The following RPTOR variants were observed in gnomAD, a reference collection of about 807,000 sequenced individuals.
The protein encoded by RPTOR is regulatory associated protein of MTOR complex 1, also known as regulatory-associated protein of mTOR.
In RPTOR, 21 loss-of-function variants were observed where a neutral mutation model predicts 169.9. The ratio of observed to expected loss-of-function variants is 0.12; its 90% CI spans 0.09 to 0.18. The LOEUF (loss-of-function observed/expected upper bound fraction) is 0.18. Ranked by LOEUF, RPTOR falls within the 10% of genes least tolerant of loss-of-function variation. RPTOR has a pLI of 1.00. For synonymous variants in RPTOR, 732 were observed against 753.2 expected (o/e 0.97, Z 0.46); for missense variants, 1,133 against 1,855.9 (o/e 0.61, Z 7.16).
chr17:80,836,979 G>A (rs1478157178), intron 9 of RPTOR, among the ~76,000 whole-genome samples: 4 of 152,090 alleles, frequency 2.6e-5, no homozygotes, highest in Admixed American at 6.5e-5. Context: ...GGTGGCATTG[G>A]GCGCCCTGAG....
At chr17:80,922,906 C>A in intron 22 of RPTOR, 79 bp downstream of exon 22, 1 of 1,176,718 alleles carries the variant, frequency 8.5e-7, no homozygotes, top group African/African-American at 1.5e-5. Flanking sequence ...GAGCCGGCCT[C>A]CCCATCCTCC....
intron 27 of RPTOR, among the ~76,000 whole-genome samples, chr17:80,948,926 G>C (rs746255616): frequency 6.6e-6 from 1 of 152,170 alleles, no homozygotes; most frequent in Non-Finnish European, 1.5e-5. Context: ...CCAGACGTCT[G>C]CATTGTCCCT....
At position 80,721,198 on chromosome 17, in the gene RPTOR, G is replaced by A. The variant is rs111963608; in HGVS notation, c.508-9362G>A. On this transcript the variant is annotated intron_variant, in intron 4 of 33. Transcript: ENST00000306801. The surrounding 1 kb of genome is among the most constrained non-coding windows in gnomAD (Gnocchi z 4.7). ...TAGTCCCCTCTGACCCGGTGACACC[G>A]TGGGGAGCAGGTGATGTGGTTCCAG... Among the ~76,000 whole-genome samples, 29 of 151,172 alleles carry A rather than the reference G, an allele frequency of 1.9e-4. 3 individuals are homozygous for A. The highest frequency in any genetic ancestry group is 6.9e-4 in the African/African-American group (28 of 40,526).
At chr17:80,952,730 C>T (rs572278195) in intron 28 of RPTOR, among the ~76,000 whole-genome samples, 1 of 152,216 alleles carries the variant, frequency 6.6e-6, no homozygotes, top group Non-Finnish European at 1.5e-5. Flanking sequence ...CCCAAGGTGT[C>T]GCTTCCTGGC....
chr17:80,669,429 G>A (rs2065805232), intron 3 of RPTOR, among the ~76,000 whole-genome samples: 1 of 152,212 alleles, frequency 6.6e-6, no homozygotes, highest in East Asian at 1.9e-4. Context: ...TTGTCGCCCA[G>A]GCTGGAGTGC....
At chr17:80,830,631 G>T (rs555292868) in intron 9 of RPTOR, among the ~76,000 whole-genome samples, 1 of 152,336 alleles carries the variant, frequency 6.6e-6, no homozygotes, top group Non-Finnish European at 1.5e-5. Flanking sequence ...TAGTTGAGGT[G>T]AGACCGCAGG....
At chr17:80,961,082 C>T (rs1029808230) in intron 30 of RPTOR, 2 of 399,186 alleles carry the variant, frequency 5.0e-6, no homozygotes, top group Non-Finnish European at 9.0e-6. Flanking sequence ...GGCCTGGGAG[C>T]GCTGCGATGG....
intron 17 of RPTOR, among the ~76,000 whole-genome samples, chr17:80,890,327 G>A (rs1386388587): frequency 6.6e-6 from 1 of 152,230 alleles, no homozygotes; most frequent in Admixed American, 6.5e-5. Flanking sequence ...GATCTTCCCT[G>A]GAAGGGGCCC....
chr17:80,961,704 G>C (rs2069344177), intron 31 of RPTOR: 2 of 546,006 alleles, frequency 3.7e-6, no homozygotes, highest in Admixed American at 7.0e-5. Context: ...GGCGCTTTGG[G>C]AACTTTCCTG....
intron 1 of RPTOR, among the ~76,000 whole-genome samples, chr17:80,579,255 G>A (rs1165659890): frequency 1.3e-5 from 2 of 152,050 alleles, no homozygotes; most frequent in Non-Finnish European, 2.9e-5. Context: ...GTGCAATGGT[G>A]CGATCTCGGC....
At chr17:80,604,726 G>C (rs535375492) in intron 1 of RPTOR, among the ~76,000 whole-genome samples, 1 of 152,308 alleles carries the variant, frequency 6.6e-6, no homozygotes, top group South Asian at 2.1e-4. Context: ...ATGGTGGCAG[G>C]CAAGAGAGCT....
intron 13 of RPTOR, among the ~76,000 whole-genome samples, chr17:80,864,511 A>T (rs75817578): frequency 0.21 from 32,003 of 151,542 alleles, 3,571 homozygotes; most frequent in East Asian, 0.3. Flanking sequence ...ACAGAGAAAG[A>T]GAAAAAACTG....
Position 80,959,943 on chromosome 17 carries a change from GAGAA to G in RPTOR, c.3478-132_3478-129del. On this transcript the variant is annotated intron_variant, in intron 29 of 33. Coordinates refer to ENST00000306801, the MANE Select transcript of RPTOR (RefSeq NM_020761.3). The surrounding 1 kb of genome is among the most constrained non-coding windows in gnomAD (Gnocchi z 6.7). Reference sequence around the variant, plus strand: ...GGCCTTTGATGCTTCCCTGGATAGAGAGAAAGGCCCCTGCAGCCAGGGAGGGTGA... The same window carrying G: ...GGCCTTTGATGCTTCCCTGGATAGAGAGGCCCCTGCAGCCAGGGAGGGTGA... The G allele has an allele frequency of 9.3e-7, 1 of 1,076,040 alleles. No individual in the cohort carries two copies. The highest frequency in any genetic ancestry group is 1.4e-6 in the Non-Finnish European group (1 of 740,378). The allele number at this position is 1,076,040 out of a possible 1,614,324, so 66.7% of individuals were successfully genotyped here.
chr17:80,738,882 A>G lies in RPTOR; in HGVS notation c.654+8176A>G, dbSNP rs115855211. ...TCAATTGATTTGTATGAAATGTGAG[A>G]AGAAACAAAGAAAACTTGATTAGCC... On this transcript the variant is annotated intron_variant, in intron 5 of 33. Coordinates refer to ENST00000306801, the MANE Select transcript of RPTOR (RefSeq NM_020761.3). Among the ~76,000 whole-genome samples, 589 of 152,396 alleles carry G rather than the reference A, an allele frequency of 3.9e-3. 6 individuals carry two copies. The highest frequency in any genetic ancestry group is 0.014 in the African/African-American group (571 of 41,594).
At chr17:80,643,950 C>T (rs1159883130) in intron 3 of RPTOR, 140 bp downstream of exon 3, 4 of 634,842 alleles carry the variant, frequency 6.3e-6, no homozygotes, top group East Asian at 2.8e-5. Flanking sequence ...CACTGCGTTT[C>T]GTGTGCCTGC....
At chr17:80,842,524 G>A (rs1346107488) in intron 10 of RPTOR, among the ~76,000 whole-genome samples, 1 of 152,172 alleles carries the variant, frequency 6.6e-6, no homozygotes, top group Non-Finnish European at 1.5e-5. Context: ...AAGTGGCTGA[G>A]TCAGTTTACA....
In RPTOR at chr17:80,651,568, G is replaced by A. The variant is rs1040945812; in HGVS notation, c.348+7758G>A. Among the ~76,000 whole-genome samples, 8 of 152,162 alleles carry A rather than the reference G, an allele frequency of 5.3e-5. No individual in the cohort carries two copies. The highest frequency in any genetic ancestry group is 9.7e-5 in the African/African-American group (4 of 41,436). ...AAAATGGACATACGAAGCACATAAC[G>A]TCAAGTTCACCATTTTAAAGTGTAC... is the stretch of plus-strand genomic sequence containing the variant. On this transcript the variant is annotated intron_variant, in intron 3 of 33. Coordinates refer to ENST00000306801, the MANE Select transcript of RPTOR (RefSeq NM_020761.3). This position sits in a 1 kb window ranked among gnomAD's most constrained non-coding sequence, Gnocchi z 4.1.
chr17:80,822,136 C>T, intron 7 of RPTOR, 65 bp from the exon 8 acceptor site: 1 of 1,512,114 alleles, frequency 6.6e-7, no homozygotes, highest in Non-Finnish European at 9.2e-7. Flanking sequence ...TTTCTTGCAA[C>T]CTCTCTTCCA....
intron 1 of RPTOR, among the ~76,000 whole-genome samples, chr17:80,612,665 G>A (rs1216420160): frequency 6.6e-6 from 1 of 152,128 alleles, no homozygotes; most frequent in East Asian, 1.9e-4. Context: ...GAAATCATTT[G>A]TCACAACCTG....
Sources: gnomAD v4.1 joint callset for allele counts (sites outside exome capture counted in the v4.1 genomes callset) on GRCh38, gnomAD v4.1.1 for gene constraint, Gnocchi (gnomAD v3.1) non-coding constraint, MANE v1.5 for transcripts, NCBI Gene and HGNC (gene_info 2026-07-23, HGNC 2026-07-21) for gene names.